The following SLC7A14 variants were observed in gnomAD, a reference collection of about 807,000 sequenced individuals.
The protein encoded by SLC7A14 is solute carrier family 7 member 14, also known as gamma-aminobutyric acid transporter SLC7A14.
Under a neutral mutation model 60.2 loss-of-function variants are expected in SLC7A14, and 37 were observed. The ratio of observed to expected loss-of-function variants is 0.61; its 90% CI spans 0.47 to 0.81. The LOEUF is 0.81. Ranked by LOEUF, SLC7A14 falls within the 30% of genes least tolerant of loss-of-function variation. The probability of loss-of-function intolerance (pLI) is 0.00; values close to 1 mark genes in which losing one functional copy is unlikely to be tolerated. For missense variants in SLC7A14, 886 were observed against 982.7 expected (o/e 0.90, Z 1.32); for synonymous variants, 399 against 395.8 (o/e 1.01, Z -0.10).
intron 4 of SLC7A14, among the ~76,000 whole-genome samples, chr3:170,494,550 C>G (rs1216741218): frequency 6.6e-6 from 1 of 152,216 alleles, no homozygotes. Context: ...AAATGTGCCT[C>G]CATCTTCTTC....
chr3:170,552,419 G>C (rs773234282), intron 1 of SLC7A14, among the ~76,000 whole-genome samples: 1 of 152,054 alleles, frequency 6.6e-6, no homozygotes, highest in Non-Finnish European at 1.5e-5. Context: ...AATCTTTATA[G>C]CACATATAAA....
intron 4 of SLC7A14, among the ~76,000 whole-genome samples, chr3:170,490,345 AATAC>A (rs1299744484): frequency 1.3e-5 from 2 of 149,212 alleles, no homozygotes; most frequent in East Asian, 4.0e-4. Flanking sequence ...CACACATGCA[AATAC>A]ATATAAACAC....
At chr3:170,570,420 G>A (rs1714914642) in intron 1 of SLC7A14, 1 of 149,852 alleles carries the variant, frequency 6.7e-6, no homozygotes. Context: ...CCGTACTCTA[G>A]CCTCGGCAAC....
intron 2 of SLC7A14, among the ~76,000 whole-genome samples, chr3:170,523,155 T>C (rs904755440): frequency 6.6e-6 from 1 of 152,188 alleles, no homozygotes; most frequent in Non-Finnish European, 1.5e-5. Flanking sequence ...TTGACAACAA[T>C]CCTTTGAAGT....
intron 2 of SLC7A14, among the ~76,000 whole-genome samples, chr3:170,521,650 C>T (rs965461690): frequency 3.3e-5 from 5 of 152,152 alleles, no homozygotes; most frequent in African/African-American, 1.2e-4. Flanking sequence ...AAGGGCTAGG[C>T]GTGGGCTCAT....
At chr3:170,473,754 T>TG (rs1353756335) in intron 7 of SLC7A14, among the ~76,000 whole-genome samples, 3 of 152,222 alleles carry the variant, frequency 2.0e-5, no homozygotes, top group Admixed American at 6.5e-5. Context: ...TTGTTTAATA[T>TG]GGTATGGCCA....
chr3:170,496,112 G>A, intron 4 of SLC7A14: 1 of 1,069,510 alleles, frequency 9.4e-7, no homozygotes, highest in Non-Finnish European at 1.5e-6. Flanking sequence ...TCAGGCAACT[G>A]CATGAAGAGG....
Position 170,459,996 on chromosome 3 carries a change from A to G in SLC7A14, c.*7059T>C, listed in dbSNP as rs1470782064. The G allele has an allele frequency of 1.3e-5, 2 of 152,208 alleles. No homozygotes were observed. Among genetic ancestry groups the G allele is most frequent in the African/African-American group, 4.8e-5 (2 of 41,458 alleles). The allele number at this position is 152,208 out of a possible 1,614,324, so 9.4% of individuals were successfully genotyped here. A position where few individuals can be genotyped will look rare whatever the true frequency, so the allele number is the denominator to read the frequency against. ...TATCTTGATAAATCAATATATTGTC[A>G]ACACCACACATTTGAAAATAAAACA... On this transcript the variant is annotated 3_prime_UTR_variant, in exon 8 of 8. Transcript: ENST00000231706.
intron 3 of SLC7A14, among the ~76,000 whole-genome samples, chr3:170,500,032 T>C (rs1434076471): frequency 2.0e-5 from 3 of 152,226 alleles, no homozygotes; most frequent in African/African-American, 7.2e-5. Flanking sequence ...TATAGGAATA[T>C]CGAAGTTAGA....
intron 2 of SLC7A14, among the ~76,000 whole-genome samples, chr3:170,508,195 T>G (rs1358217112): frequency 6.6e-6 from 1 of 152,180 alleles, no homozygotes; most frequent in East Asian, 1.9e-4. Flanking sequence ...TTGTGGGCCT[T>G]ATAGTATCAT....
intron 1 of SLC7A14, among the ~76,000 whole-genome samples, chr3:170,551,801 A>T (rs750219541): frequency 3.8e-4 from 58 of 152,178 alleles, no homozygotes; most frequent in Non-Finnish European, 6.6e-4. Context: ...CTTCTCAGAT[A>T]TATGTGTTGC....
At chr3:170,521,090 T>C (rs969184359) in intron 2 of SLC7A14, among the ~76,000 whole-genome samples, 1 of 152,212 alleles carries the variant, frequency 6.6e-6, no homozygotes, top group African/African-American at 2.4e-5. Flanking sequence ...TACTGAGCTA[T>C]TGAAGAGTAG....
intron 2 of SLC7A14, among the ~76,000 whole-genome samples, chr3:170,509,229 G>A (rs997589832): frequency 8.5e-5 from 13 of 152,198 alleles, no homozygotes; most frequent in Admixed American, 7.9e-4. Flanking sequence ...GTTTCTTTGT[G>A]TCTAAGAAGA....
chr3:170,485,889 C>T (rs1712011741), intron 5 of SLC7A14, among the ~76,000 whole-genome samples: 1 of 152,176 alleles, frequency 6.6e-6, no homozygotes, highest in Non-Finnish European at 1.5e-5. Flanking sequence ...TTTGCTTGCA[C>T]ATCCACCCGT....
At position 170,466,028 on chromosome 3, in the gene SLC7A14, C is replaced by T. The variant is rs1435461486; in HGVS notation, c.*1027G>A. 2 of 152,116 alleles carry T rather than the reference C, an allele frequency of 1.3e-5. No individual in the cohort carries two copies. Among genetic ancestry groups the T allele is most frequent in the African/African-American group, 2.4e-5 (1 of 41,418 alleles). 9.4% of individuals were successfully genotyped at this position (152,116 alleles called of 1,614,324 possible). A position where few individuals can be genotyped will look rare whatever the true frequency, so the allele number is the denominator to read the frequency against. On this transcript the variant is annotated 3_prime_UTR_variant, in exon 8 of 8. Transcript: ENST00000231706. ...TCTCATGGAATGCAACTACCTAAGT[C>T]GCTATACTTCAGCCTATTTTGTTTT...
intron 1 of SLC7A14, among the ~76,000 whole-genome samples, chr3:170,573,281 A>G (rs886166935): frequency 3.3e-5 from 5 of 152,230 alleles, no homozygotes; most frequent in African/African-American, 1.2e-4. Flanking sequence ...AATCAGTGGC[A>G]TCTACCAGAA....
At chr3:170,564,047 C>G (rs1208060443) in intron 1 of SLC7A14, among the ~76,000 whole-genome samples, 1 of 152,072 alleles carries the variant, frequency 6.6e-6, no homozygotes, top group Non-Finnish European at 1.5e-5. Context: ...ATCTTTTCTC[C>G]CCATTTCACT....
intron 1 of SLC7A14, among the ~76,000 whole-genome samples, chr3:170,559,054 A>G (rs1396239870): frequency 6.6e-6 from 1 of 152,206 alleles, no homozygotes; most frequent in Non-Finnish European, 1.5e-5. Context: ...CTGCTTCACA[A>G]AACCTACAGT....
rs776182109 is a variant in SLC7A14, at chr3:170,498,839, G to A, written c.587C>T (p.Ala196Val). 13 of 1,614,024 alleles carry A rather than the reference G, an allele frequency of 8.1e-6. No individual in the cohort carries two copies. The highest frequency in any genetic ancestry group is 1.6e-4 in the Middle Eastern group (1 of 6,084). ...AGCAACAATGATGGTCACGATGACC[G>A]CGATCAACAGAGCCAGAAGGTCTGG... ...SYPDLLALLI[A>V]VIVTIIVALG... Residue 196 changes from alanine (A) to valine (V), a missense_variant, in exon 4 of 8, where the codon GCG becomes GTG. By Grantham distance (64) the Ala-to-Val change is moderately conservative. Transcript: ENST00000231706.
Sources: allele counts gnomAD v4.1 joint callset (sites outside exome capture counted in the v4.1 genomes callset), GRCh38; gene constraint gnomAD v4.1.1; transcripts MANE v1.5; gene names NCBI Gene and HGNC (gene_info 2026-07-23, HGNC 2026-07-21).